SNRK: variants seen among roughly 807,000 people sequenced by gnomAD.
SNRK encodes the protein SNF related kinase.
SNRK carries 3 observed loss-of-function variants against 48.2 expected under a neutral mutation model. That is an observed-to-expected ratio of 0.06 (90% confidence interval 0.03 to 0.16). The LOEUF (loss-of-function observed/expected upper bound fraction) is 0.16, where lower values mean the gene tolerates loss of function less well. SNRK is among the 10% of genes least tolerant of loss of function. The pLI, the probability that SNRK is intolerant of heterozygous loss-of-function variation, is 1.00. For synonymous variants in SNRK, 376 were observed against 366.1 expected, an observed-to-expected ratio of 1.03 and a Z score of -0.31; for missense variants, 627 against 976.0, an observed-to-expected ratio of 0.64 and a Z score of 4.76.
In SNRK at chr3:43,348,418, G is replaced by A. The variant is rs200514916; in HGVS notation, c.2159G>A (p.Arg720Gln). 5.4e-5 allele frequency: 87 copies of A among 1,612,090 alleles called. No homozygotes were observed. In the East Asian group the frequency reaches 1.2e-3, roughly 22 times the overall value. Reference protein sequence around the residue: ...HMADTTTELERIKSKNLKNNV... With the variant: ...HMADTTTELEQIKSKNLKNNV... The stretch of plus-strand genomic sequence containing the variant: ...GCAGATACCACCACTGAATTGGAAC[G>A]GATAAAGAGCAAGAACCTGAAAAAT... Residue 720 changes from arginine to glutamine, a missense_variant, in exon 7 of 7, where the codon CGG becomes CAG. Physicochemically the swap from Arg to Gln is conservative, Grantham distance 43. Transcript: ENST00000296088.
Position 43,350,669 on chromosome 3 carries a change from G to A in SNRK, c.*2112G>A, listed in dbSNP as rs1261829235. ...ATAAGTGAATGATTGTGCATGTTTT[G>A]TATGTCATAGTATGTCGTCACATAA... On this transcript the variant is annotated 3_prime_UTR_variant, in exon 7 of 7. Coordinates refer to ENST00000296088, the MANE Select transcript of SNRK (RefSeq NM_017719.5). 1 of 152,528 alleles carries A rather than the reference G, an allele frequency of 6.6e-6. No individual in the cohort carries two copies. The highest frequency in any genetic ancestry group is 6.5e-5 in the Admixed American group (1 of 15,282). 9.4% of individuals were successfully genotyped at this position (152,528 alleles called of 1,614,324 possible).
chr3:43,335,889 A>G (rs2091184163), intron 4 of SNRK, among the ~76,000 whole-genome samples: 1 of 152,146 alleles, frequency 6.6e-6, no homozygotes, highest in Admixed American at 6.5e-5. Flanking sequence ...TCTGTTGGCT[A>G]CCATTTGTGT....
chr3:43,318,787 A>G (rs2091031789), intron 3 of SNRK, among the ~76,000 whole-genome samples: 1 of 152,100 alleles, frequency 6.6e-6, no homozygotes, highest in Non-Finnish European at 1.5e-5. Context: ...GCACTTTGGG[A>G]GGCCGAGGCA....
chr3:43,332,322 A>G lies in SNRK; in HGVS notation c.731+12A>G. The G allele has an allele frequency of 7.1e-7, 1 of 1,400,960 alleles. No homozygotes were observed. The highest frequency in any genetic ancestry group is 1.5e-5 in the African/African-American group (1 of 67,984). The allele number at this position is 1,400,960 out of a possible 1,614,324, so 86.8% of individuals were successfully genotyped here. On this transcript the variant is annotated intron_variant, in intron 4 of 6. Coordinates refer to ENST00000296088, the MANE Select transcript of SNRK (RefSeq NM_017719.5). Reference sequence around the variant, plus strand: ...AAAGAGTGTAAAGAGTAAGTAAAACAAAGTATGTGGAAACCTTAAGGACTC... The same window carrying G: ...AAAGAGTGTAAAGAGTAAGTAAAACGAAGTATGTGGAAACCTTAAGGACTC...
rs2091313365 is a variant in SNRK, at chr3:43,350,304, A to G, written c.*1747A>G. On this transcript the variant is annotated 3_prime_UTR_variant, in exon 7 of 7. Transcript: ENST00000296088. ...GATCTTATAAAGGGCCAGAAATAAG[A>G]TGTGTGGTTCACATAGATAGTGAGC... is the stretch of plus-strand genomic sequence containing the variant. 6.6e-6 allele frequency: 1 copy of G among 152,646 alleles called. No individual in the cohort carries two copies. Among genetic ancestry groups the G allele is most frequent in the Admixed American group, 6.5e-5 (1 of 15,282 alleles). The allele number at this position is 152,646 out of a possible 1,614,324, so 9.5% of individuals were successfully genotyped here.
rs2091306460 is a variant in SNRK at position 43,349,515 on chromosome 3, T to G, written c.*958T>G. ...ATTTGGTTTTTAGGAGTTTGGTAAT[T>G]AGATTATCTCTTTTGTTATTTTCAT... On this transcript the variant is annotated 3_prime_UTR_variant, in exon 7 of 7. Transcript: ENST00000296088. The G allele has an allele frequency of 6.6e-6, 1 of 152,234 alleles. No homozygotes were observed. Among genetic ancestry groups the G allele is most frequent in the Non-Finnish European group, 1.5e-5 (1 of 68,042 alleles). 9.4% of individuals were successfully genotyped at this position (152,234 alleles called of 1,614,324 possible). A position where few individuals can be genotyped will look rare whatever the true frequency, so the allele number is the denominator to read the frequency against.
chr3:43,327,853 A>G (rs1383204019), intron 3 of SNRK, among the ~76,000 whole-genome samples: 1 of 152,110 alleles, frequency 6.6e-6, no homozygotes, highest in African/African-American at 2.4e-5. Context: ...CCTTATTTCC[A>G]GCTAGCTTGA....
In SNRK at chr3:43,343,308, T is replaced by TA. The variant is rs751924027; in HGVS notation, c.945-35dup. On this transcript the variant is annotated intron_variant, in intron 5 of 6. Coordinates refer to ENST00000296088, the MANE Select transcript of SNRK (RefSeq NM_017719.5). ...TGCTTCTTGTAAAAAAACCTCCTGATATGGCTGACGTTTGCTCTCACCTTG... is the reference window on the plus strand; with the variant it reads ...TGCTTCTTGTAAAAAAACCTCCTGATAATGGCTGACGTTTGCTCTCACCTTG... 17 of 1,553,238 alleles carry TA rather than the reference T, an allele frequency of 1.1e-5. No homozygotes were observed. The Middle Eastern group carries it at 5.1e-4, about 47-fold the overall frequency.
chr3:43,313,373 A>G (rs1385793647), intron 3 of SNRK, among the ~76,000 whole-genome samples: 1 of 152,214 alleles, frequency 6.6e-6, no homozygotes, highest in Non-Finnish European at 1.5e-5. Context: ...ATGGAATACT[A>G]TGCAGCAATA....
intron 3 of SNRK, 52 bp from the exon 4 acceptor site, chr3:43,332,117 T>A (rs1016553322): frequency 7.7e-5 from 101 of 1,312,732 alleles, no homozygotes; most frequent in Non-Finnish European, 1.0e-4. Context: ...ACTTTTAATG[T>A]TTTTGGTTTT....
intron 1 of SNRK, among the ~76,000 whole-genome samples, chr3:43,296,751 G>A (rs1490495665): frequency 6.6e-6 from 1 of 152,106 alleles, no homozygotes; most frequent in Non-Finnish European, 1.5e-5. Context: ...AAACCTAAAA[G>A]TGAGTTTTAA....
chr3:43,320,827 T>C (rs540475944), intron 3 of SNRK, among the ~76,000 whole-genome samples: 4 of 152,258 alleles, frequency 2.6e-5, no homozygotes, highest in East Asian at 1.9e-4. Flanking sequence ...AAGATTCTTA[T>C]ATGAATTTTT....
chr3:43,347,542 C>T lies in SNRK; in HGVS notation c.1283C>T (p.Pro428Leu), dbSNP rs759760181. ...ELAGPALSTV[P>L]PASLKPTASG... ...GCTGGACCAGCACTCTCTACGGTGC[C>T]ACCCGCAAGCTTAAAACCCACAGCC... is the stretch of plus-strand genomic sequence containing the variant. The change falls in exon 7 of 7, where the codon CCA (proline) becomes CTA (leucine). Residue 428 changes from proline to leucine, a missense_variant. Pro to Leu is a moderately conservative substitution (Grantham distance 98). Coordinates refer to ENST00000296088, the MANE Select transcript of SNRK (RefSeq NM_017719.5). This position sits in a 1 kb window ranked among gnomAD's most constrained non-coding sequence, Gnocchi z 5.4. 4 of 1,613,610 alleles carry T rather than the reference C, an allele frequency of 2.5e-6. No individual in the cohort carries two copies. In the South Asian group the frequency reaches 3.3e-5, roughly 13 times the overall value.
At chr3:43,302,199 A>G (rs367729837) in intron 2 of SNRK, among the ~76,000 whole-genome samples, 18 of 152,296 alleles carry the variant, frequency 1.2e-4, no homozygotes, top group East Asian at 9.6e-4. Flanking sequence ...AGTACCTACT[A>G]CCATATACCT....
At position 43,349,622 on chromosome 3, in the gene SNRK, G is replaced by GCAAA. The variant is rs1275409145; in HGVS notation, c.*1070_*1073dup. On this transcript the variant is annotated 3_prime_UTR_variant, in exon 7 of 7. Coordinates refer to ENST00000296088, the MANE Select transcript of SNRK (RefSeq NM_017719.5). ...TAAAAGGGTAAAATTCACACATACA[G>GCAAA]CAAACAAAAATGCACAAAGCCTGCT... is the stretch of plus-strand genomic sequence containing the variant. 1 of 151,908 alleles carries GCAAA rather than the reference G, an allele frequency of 6.6e-6. No individual in the cohort carries two copies. The highest frequency in any genetic ancestry group is 1.5e-5 in the Non-Finnish European group (1 of 68,034). 9.4% of individuals were successfully genotyped at this position (151,908 alleles called of 1,614,324 possible). A position where few individuals can be genotyped will look rare whatever the true frequency, so the allele number is the denominator to read the frequency against.
chr3:43,293,669 C>T (rs2090830410), intron 1 of SNRK, among the ~76,000 whole-genome samples: 1 of 152,004 alleles, frequency 6.6e-6, no homozygotes, highest in African/African-American at 2.4e-5. Context: ...AATCCCAGCA[C>T]CTCGGGAGGC....
In SNRK at chr3:43,303,839, A is replaced by G. The variant is rs2090915736; in HGVS notation, c.589+47A>G. 2.3e-6 allele frequency: 3 copies of G among 1,293,584 alleles called. No individual in the cohort carries two copies. Among genetic ancestry groups the G allele is most frequent in the Middle Eastern group, 1.9e-4 (1 of 5,300 alleles). The allele number at this position is 1,293,584 out of a possible 1,614,324, so 80.1% of individuals were successfully genotyped here. The stretch of plus-strand genomic sequence containing the variant: ...TTTGGCCATTTGAATTCTGCCAGCT[A>G]GAGTTGGTCAGATCGGTTGTTTATC... On this transcript the variant is annotated intron_variant, in intron 3 of 6. Coordinates refer to ENST00000296088, the MANE Select transcript of SNRK (RefSeq NM_017719.5). The surrounding 1 kb of genome is among the most constrained non-coding windows in gnomAD (Gnocchi z 6.2).
At chr3:43,307,389 T>G (rs371972591) in intron 3 of SNRK, among the ~76,000 whole-genome samples, 3,580 of 152,234 alleles carry the variant, frequency 0.024, 147 homozygotes, top group African/African-American at 0.081. Flanking sequence ...GATCTTGCGG[T>G]TTTTTTGTTT....
In SNRK at chr3:43,303,465, C is replaced by G. The variant is rs770438152; in HGVS notation, c.262C>G (p.Leu88Val). Residue 88 changes from leucine (L) to valine (V), a missense_variant, in exon 3 of 7, where the codon CTA becomes GTA. Around this residue, in one of 4 missense-constraint regions of SNRK, gnomAD observed 147 missense variants for 356.8 expected, o/e 0.41. Transcript: ENST00000296088. The surrounding 1 kb of genome is among the most constrained non-coding windows in gnomAD (Gnocchi z 6.2). Reference sequence around the variant, plus strand: ...TGAAGTTATTGACACCCAGACCAAACTATATCTTATTCTAGAACTTGGGGA... The same window carrying G: ...TGAAGTTATTGACACCCAGACCAAAGTATATCTTATTCTAGAACTTGGGGA... ...LYEVIDTQTK[L>V]YLILELGDGG... 9.9e-6 allele frequency: 16 copies of G among 1,614,132 alleles called. No homozygotes were observed. Among genetic ancestry groups the G allele is most frequent in the Non-Finnish European group, 1.1e-5 (13 of 1,180,008 alleles).
Sources: gnomAD v4.1 joint callset for allele counts (sites outside exome capture counted in the v4.1 genomes callset) on GRCh38, gnomAD v4.1.1 for gene constraint, gnomAD v4.1.1 regional missense constraint, Gnocchi (gnomAD v3.1) non-coding constraint, MANE v1.5 for transcripts, NCBI Gene and HGNC (gene_info 2026-07-23, HGNC 2026-07-21) for gene names.